Variants in NUAK1 observed in about 807,000 individuals in gnomAD.
NUAK1 encodes NUAK family SNF1-like kinase 1.
NUAK1 carries 26 observed loss-of-function variants against 56.9 expected under a neutral mutation model. That is an observed-to-expected ratio of 0.46 (90% CI 0.33 to 0.63). The LOEUF (loss-of-function observed/expected upper bound fraction) is 0.63, where lower values mean the gene tolerates loss of function less well. Among genes scored for constraint, NUAK1 ranks in the 30% least tolerant of loss-of-function variants. The pLI is 0.02. For missense variants in NUAK1, 727 were observed against 876.1 expected, an observed-to-expected ratio of 0.83 and a Z score of 2.15; for synonymous variants, 337 against 336.0, an observed-to-expected ratio of 1.00 and a Z score of -0.03.
chr12:106,135,217 G>A (rs2033118153), intron 1 of NUAK1, among the ~76,000 whole-genome samples: 1 of 152,204 alleles, frequency 6.6e-6, no homozygotes, highest in African/African-American at 2.4e-5. Context: ...GGATTTGAAT[G>A]TAAGCCAGGG....
chr12:106,110,221 A>G (rs558053723), intron 1 of NUAK1, among the ~76,000 whole-genome samples: 1 of 152,310 alleles, frequency 6.6e-6, no homozygotes, highest in South Asian at 2.1e-4. Context: ...ACAGGGCACA[A>G]ATATGTTCCT....
intron 1 of NUAK1, among the ~76,000 whole-genome samples, chr12:106,124,895 G>A (rs1190025135): frequency 6.6e-6 from 1 of 152,000 alleles, no homozygotes; most frequent in African/African-American, 2.4e-5. Context: ...TACTCGGGAG[G>A]TTGAGGCAGG....
At chr12:106,076,318 C>T (rs980003310) in intron 4 of NUAK1, among the ~76,000 whole-genome samples, 2 of 152,174 alleles carry the variant, frequency 1.3e-5, no homozygotes, top group South Asian at 2.1e-4. Context: ...CTTCCCAAGC[C>T]GTACAGTTTC....
intron 1 of NUAK1, among the ~76,000 whole-genome samples, chr12:106,113,820 C>T (rs1050134259): frequency 2.6e-5 from 4 of 151,788 alleles, no homozygotes; most frequent in African/African-American, 7.3e-5. Context: ...CTCCCTAGTC[C>T]CAGCCCAAGG....
chr12:106,124,174 A>G (rs1011607430), intron 1 of NUAK1, among the ~76,000 whole-genome samples: 4 of 152,212 alleles, frequency 2.6e-5, no homozygotes, highest in African/African-American at 9.7e-5. Context: ...GCATCACCAG[A>G]TGAAAAAGTA....
chr12:106,083,965 G>A (rs375816055), intron 3 of NUAK1, 36 bp from the exon 4 acceptor site: 2 of 1,569,858 alleles, frequency 1.3e-6, no homozygotes, highest in African/African-American at 1.3e-5. Context: ...TTGAATGGGA[G>A]CGGCTGGGAT....
chr12:106,082,739 G>T (rs980617340), intron 4 of NUAK1, among the ~76,000 whole-genome samples: 2 of 152,146 alleles, frequency 1.3e-5, no homozygotes, highest in Non-Finnish European at 2.9e-5. Flanking sequence ...GGATGATGGT[G>T]ACTAATGGTT....
In NUAK1 at chr12:106,066,861, T is replaced by C. The variant is rs2032344623; in HGVS notation, c.1927A>G (p.Met643Val). 1 of 1,614,168 alleles carries C rather than the reference T, an allele frequency of 6.2e-7. No homozygotes were observed. The highest frequency in any genetic ancestry group is 1.1e-5 in the South Asian group (1 of 91,080). The change falls in exon 7 of 7, where the codon ATG becomes GTG. Residue 643 changes from methionine to valine, a missense_variant. Physicochemically the swap from Met to Val is conservative, Grantham distance 21. Transcript: ENST00000261402. ...ADSSFSLLTD[M>V]DDVTQVYKQA... ...TTGTAGACCTGAGTCACATCATCCA[T>C]GTCTGTGAGGAGGGAGAAGCTGCTG...
rs755035607 is a variant in NUAK1 at position 106,138,626 on chromosome 12, C to T, written c.28G>A (p.Gly10Arg). Residue 10 changes from glycine (G) to arginine (R), a missense_variant, in exon 1 of 7, where the codon GGG becomes AGG. Gly to Arg is a moderately radical substitution (Grantham distance 125). Coordinates refer to ENST00000261402, the MANE Select transcript of NUAK1 (RefSeq NM_014840.3). This position sits in a 1 kb window ranked among gnomAD's most constrained non-coding sequence, Gnocchi z 5.0. MEGAAAPVA[G>R]DRPDLGLGAP... ...CCCAGCCCCAAGTCGGGGCGGTCCC[C>T]CGCCACAGGCGCGGCGGCCCCTTCC... 105 of 1,551,300 alleles carry T rather than the reference C, an allele frequency of 6.8e-5. No homozygotes were observed. The highest frequency in any genetic ancestry group is 9.1e-5 in the Non-Finnish European group (105 of 1,156,860).
At chr12:106,075,737 A>G in intron 4 of NUAK1, among the ~76,000 whole-genome samples, 1 of 152,372 alleles carries the variant, frequency 6.6e-6, no homozygotes, top group South Asian at 2.1e-4. Flanking sequence ...TTTGAATAAT[A>G]AAATGAAAAA....
At chr12:106,109,352 A>C (rs971632088) in intron 1 of NUAK1, among the ~76,000 whole-genome samples, 1 of 152,174 alleles carries the variant, frequency 6.6e-6, no homozygotes, top group Non-Finnish European at 1.5e-5. Context: ...CCTCAGCTTC[A>C]CACCACCCTC....
intron 4 of NUAK1, among the ~76,000 whole-genome samples, chr12:106,079,096 T>C (rs1000855453): frequency 4.6e-5 from 7 of 152,192 alleles, no homozygotes; most frequent in Non-Finnish European, 8.8e-5. Context: ...GCCAGTCCCA[T>C]CACTTATTAG....
At chr12:106,089,957 G>C (rs1036519576) in intron 2 of NUAK1, among the ~76,000 whole-genome samples, 5 of 152,128 alleles carry the variant, frequency 3.3e-5, no homozygotes, top group African/African-American at 1.2e-4. Context: ...TACTCATTCT[G>C]CAAGCTATCT....
At chr12:106,124,608 G>A (rs1365615528) in intron 1 of NUAK1, among the ~76,000 whole-genome samples, 4 of 152,158 alleles carry the variant, frequency 2.6e-5, no homozygotes, top group East Asian at 3.9e-4. Flanking sequence ...TTCTAGAAGC[G>A]GCTGGAATGT....
chr12:106,109,196 G>A (rs918499060), intron 1 of NUAK1, among the ~76,000 whole-genome samples: 13 of 152,166 alleles, frequency 8.5e-5, no homozygotes, highest in African/African-American at 3.1e-4. Context: ...CCCATCCAAG[G>A]TTCAGACAGC....
intron 2 of NUAK1, among the ~76,000 whole-genome samples, chr12:106,099,484 T>C (rs1490501150): frequency 6.6e-6 from 1 of 152,162 alleles, no homozygotes; most frequent in East Asian, 1.9e-4. Flanking sequence ...GAATTCTACA[T>C]ATCACAGGGT....
chr12:106,109,128 G>A (rs1185327490), intron 1 of NUAK1, among the ~76,000 whole-genome samples: 1 of 152,192 alleles, frequency 6.6e-6, no homozygotes, highest in Non-Finnish European at 1.5e-5. Context: ...ACTCTCATCT[G>A]TGCACCTGCC....
chr12:106,078,668 G>T (rs1294081119), intron 4 of NUAK1, among the ~76,000 whole-genome samples: 1 of 152,210 alleles, frequency 6.6e-6, no homozygotes, highest in Non-Finnish European at 1.5e-5. Flanking sequence ...AGTGAGTGGG[G>T]TCGGCTTCTG....
intron 1 of NUAK1, among the ~76,000 whole-genome samples, chr12:106,131,755 T>C (rs940148516): frequency 6.6e-6 from 1 of 152,230 alleles, no homozygotes; most frequent in South Asian, 2.1e-4. Context: ...GAAGTGGAAA[T>C]GCCCAGCCCT....
Sources: allele counts gnomAD v4.1 joint callset (sites outside exome capture counted in the v4.1 genomes callset), GRCh38; gene constraint gnomAD v4.1.1; non-coding constraint Gnocchi (gnomAD v3.1); transcripts MANE v1.5; gene names NCBI Gene and HGNC (gene_info 2026-07-23, HGNC 2026-07-21).